ZSWIM5: variants seen among roughly 807,000 people sequenced by gnomAD.
The protein encoded by ZSWIM5 is zinc finger SWIM-type containing 5.
Under a neutral mutation model 119.6 loss-of-function variants are expected in ZSWIM5, and 55 were observed. The observed-to-expected ratio is 0.46, with a 90% confidence interval of 0.37 to 0.58. The LOEUF is 0.58. Ranked by LOEUF, ZSWIM5 falls within the 20% of genes least tolerant of loss-of-function variation. The pLI is 0.00. For missense variants in ZSWIM5, 1,193 were observed against 1,512.8 expected, an observed-to-expected ratio of 0.79 and a Z score of 3.51; for synonymous variants, 537 against 606.9, an observed-to-expected ratio of 0.88 and a Z score of 1.69.
chr1:45,081,342 G>A (rs909716507), intron 2 of ZSWIM5, among the ~76,000 whole-genome samples: 1 of 150,526 alleles, frequency 6.6e-6, no homozygotes, highest in South Asian at 2.1e-4. Flanking sequence ...CTCTTTCCAC[G>A]GTCTCCCTCT....
rs1644983704 is a variant in ZSWIM5, at chr1:45,036,307, C to A, written c.1895-8G>T. The A allele has an allele frequency of 7.5e-6, 12 of 1,604,914 alleles. No individual in the cohort carries two copies. Among genetic ancestry groups the A allele is most frequent in the African/African-American group, 1.3e-5 (1 of 74,418 alleles). ...GTCTGCTTTCATTCATATCTGAGGG[C>A]AACAGGGCACCAAATTCTTTAGGTT... On this transcript the variant is annotated splice_polypyrimidine_tract_variant and splice_region_variant and intron_variant, in intron 8 of 13. Coordinates refer to ENST00000359600, the MANE Select transcript of ZSWIM5 (RefSeq NM_020883.2).
chr1:45,118,097 T>C (rs770106683), intron 1 of ZSWIM5, among the ~76,000 whole-genome samples: 17 of 151,806 alleles, frequency 1.1e-4, no homozygotes, highest in Admixed American at 2.6e-4. Context: ...AGCAAGACCC[T>C]GCCTTGAAAA....
chr1:45,074,868 C>T (rs1209944698), intron 2 of ZSWIM5, among the ~76,000 whole-genome samples: 1 of 151,804 alleles, frequency 6.6e-6, no homozygotes, highest in Non-Finnish European at 1.5e-5. Context: ...ACATTTCCCT[C>T]TTAGTACTGC....
chr1:45,032,366 G>A (rs1458247132), intron 11 of ZSWIM5, among the ~76,000 whole-genome samples: 1 of 152,138 alleles, frequency 6.6e-6, no homozygotes, highest in East Asian at 1.9e-4. Context: ...CTGGTCTCAA[G>A]TGATCCTTCT....
At position 45,018,464 on chromosome 1, in the gene ZSWIM5, C is replaced by T. The variant is rs200693291; in HGVS notation, c.3548G>A (p.Arg1183His). 59 of 1,613,400 alleles carry T rather than the reference C, an allele frequency of 3.7e-5. No individual in the cohort carries two copies. The highest frequency in any genetic ancestry group is 8.9e-5 in the East Asian group (4 of 44,878). The part of the protein sequence containing the change: ...KKKLMLLVRE[R>H]FG ...GAGCTATCTGCTCTCTCAGCCAAAG[C>T]GCTCTCGCACCAGCAGCATCAACTT... Residue 1183 changes from arginine to histidine, a missense_variant, in exon 14 of 14, where the codon CGC becomes CAC. Arg to His is a conservative substitution (Grantham distance 29, BLOSUM62 0). Transcript: ENST00000359600. The surrounding 1 kb of genome is among the most constrained non-coding windows in gnomAD (Gnocchi z 6.7).
intron 2 of ZSWIM5, among the ~76,000 whole-genome samples, chr1:45,084,176 C>T (rs1182987796): frequency 1.3e-5 from 2 of 152,186 alleles, no homozygotes; most frequent in African/African-American, 4.8e-5. Context: ...TCCCAAAGTA[C>T]TGAGATTACA....
chr1:45,142,609 G>A (rs1443245846), intron 1 of ZSWIM5, among the ~76,000 whole-genome samples: 2 of 152,050 alleles, frequency 1.3e-5, no homozygotes, highest in Non-Finnish European at 2.9e-5. Context: ...TTACAGGTAT[G>A]AGCCATGGTG....
Position 45,070,526 on chromosome 1 carries a change from G to T in ZSWIM5, c.953-10279C>A, listed in dbSNP as rs956222170. On this transcript the variant is annotated intron_variant, in intron 2 of 13. Transcript: ENST00000359600. ...CTGCCATCAAATTTGTAATATTCATGATTTTTTTCTGTTCTTTGCATTTGT... is the reference window on the plus strand; with the variant it reads ...CTGCCATCAAATTTGTAATATTCATTATTTTTTTCTGTTCTTTGCATTTGT... 3.2e-5 allele frequency: 19 copies of T among 592,982 alleles called. No individual in the cohort carries two copies. The African/African-American group carries it at 3.3e-4, about 10-fold the overall frequency. 36.7% of individuals were successfully genotyped at this position (592,982 alleles called of 1,614,324 possible). A position where few individuals can be genotyped will look rare whatever the true frequency, so the allele number is the denominator to read the frequency against.
rs1229800062 is a variant in ZSWIM5 at position 45,163,152 on chromosome 1, G to A, written c.595+42604C>T. Among the ~76,000 whole-genome samples, 3 of 152,280 alleles carry A rather than the reference G, an allele frequency of 2.0e-5. No homozygotes were observed. The South Asian group carries it at 6.2e-4, about 32-fold the overall frequency. On this transcript the variant is annotated intron_variant, in intron 1 of 13. Transcript: ENST00000359600. ...GAGGGAGGATCAGGCAGCAACATTT[G>A]CCATTCTGCAATATTTGCAGTTCTG...
rs551459497 is a variant in ZSWIM5, at chr1:45,118,398, T to C, written c.596-30161A>G. Among the ~76,000 whole-genome samples the C allele has an allele frequency of 2.4e-4, 36 of 152,304 alleles. 2 individuals carry two copies. The highest frequency in any genetic ancestry group is 6.5e-4 in the Admixed American group (10 of 15,300). ...AGGAATACTTTAATTTAATCACTTATTTTGATACTAATTTCCTGAGTACTA... is the reference window on the plus strand; with the variant it reads ...AGGAATACTTTAATTTAATCACTTACTTTGATACTAATTTCCTGAGTACTA... On this transcript the variant is annotated intron_variant, in intron 1 of 13. Transcript: ENST00000359600.
At chr1:45,060,983 C>A (rs2149000809) in intron 2 of ZSWIM5, among the ~76,000 whole-genome samples, 1 of 152,216 alleles carries the variant, frequency 6.6e-6, no homozygotes, top group South Asian at 2.1e-4. Flanking sequence ...TTTTAAAGTT[C>A]ACTAGAAAAT....
chr1:45,049,593 C>G (rs1274057737), intron 5 of ZSWIM5, among the ~76,000 whole-genome samples: 1 of 151,940 alleles, frequency 6.6e-6, no homozygotes, highest in Non-Finnish European at 1.5e-5. Flanking sequence ...CCAAGACGGG[C>G]AGATCACTTG....
intron 4 of ZSWIM5, among the ~76,000 whole-genome samples, chr1:45,053,047 T>C (rs1645098838): frequency 6.7e-6 from 1 of 148,344 alleles, no homozygotes; most frequent in African/African-American, 2.5e-5. Flanking sequence ...CGGTTGAATC[T>C]GGGAGGCGGA....
intron 11 of ZSWIM5, among the ~76,000 whole-genome samples, chr1:45,021,041 C>CTT (rs112071546): frequency 2.7e-5 from 4 of 145,652 alleles, no homozygotes; most frequent in East Asian, 2.0e-4. Context: ...CCTCAGGATC[C>CTT]TTTTTTTTTT....
intron 1 of ZSWIM5, among the ~76,000 whole-genome samples, chr1:45,203,093 T>C (rs1646167536): frequency 6.6e-6 from 1 of 151,980 alleles, no homozygotes; most frequent in African/African-American, 2.4e-5. Flanking sequence ...AGAGACTAAT[T>C]TGCAATTTTC....
At chr1:45,035,201 T>C (rs912278693) in intron 10 of ZSWIM5, among the ~76,000 whole-genome samples, 12 of 152,224 alleles carry the variant, frequency 7.9e-5, no homozygotes. Flanking sequence ...GTCTGCTACA[T>C]CCCAGAGGTT....
rs1285996187 is a variant in ZSWIM5 at position 45,044,858 on chromosome 1, G to A, written c.1433-1463C>T. On this transcript the variant is annotated intron_variant, in intron 5 of 13. Transcript: ENST00000359600. ...ATAAATATATATATATAGATTAGCC[G>A]GGCATGGTGGCGTGGCCTGTATTCC... Among the ~76,000 whole-genome samples the A allele has an allele frequency of 3.4e-4, 31 of 91,466 alleles. 2 individuals are homozygous for A. Among genetic ancestry groups the A allele is most frequent in the African/African-American group, 9.9e-4 (24 of 24,132 alleles). The allele number at this position is 91,466 out of a possible 152,430, so 60.0% of individuals were successfully genotyped here.
At chr1:45,183,090 A>G (rs1226740) in intron 1 of ZSWIM5, among the ~76,000 whole-genome samples, 24,223 of 152,094 alleles carry the variant, frequency 0.16, 2,585 homozygotes, top group African/African-American at 0.3. Flanking sequence ...CAGGATTAAG[A>G]AACTCACTCA....
intron 1 of ZSWIM5, among the ~76,000 whole-genome samples, chr1:45,152,017 T>G (rs1038698251): frequency 2.0e-5 from 3 of 152,160 alleles, no homozygotes; most frequent in African/African-American, 7.2e-5. Flanking sequence ...TACAGTTCAA[T>G]AGATGTCTAA....
Sources: allele counts gnomAD v4.1 joint callset (sites outside exome capture counted in the v4.1 genomes callset), GRCh38; gene constraint gnomAD v4.1.1; non-coding constraint Gnocchi (gnomAD v3.1); transcripts MANE v1.5; gene names NCBI Gene and HGNC (gene_info 2026-07-23, HGNC 2026-07-21).